Variants in UBASH3B observed in about 807,000 individuals in gnomAD.
The protein encoded by UBASH3B is ubiquitin associated and SH3 domain containing B, also known as ubiquitin-associated and SH3 domain-containing protein B.
Under a neutral mutation model 83.4 loss-of-function variants are expected in UBASH3B, and 37 were observed. That is an observed-to-expected ratio of 0.44 (90% CI 0.34 to 0.58). UBASH3B has a LOEUF of 0.58. UBASH3B is among the 20% of genes least tolerant of loss of function. The pLI is 0.01. For synonymous variants in UBASH3B, 304 were observed against 318.3 expected (o/e 0.96, Z 0.48); for missense variants, 657 against 827.2 (o/e 0.79, Z 2.52).
chr11:122,724,153 C>A (rs1463830973), intron 1 of UBASH3B, among the ~76,000 whole-genome samples: 4 of 152,166 alleles, frequency 2.6e-5, no homozygotes. Context: ...GAGTTAAGAG[C>A]CTAAGCTCTG....
chr11:122,664,671 G>C (rs1294309447), intron 1 of UBASH3B, among the ~76,000 whole-genome samples: 1 of 152,160 alleles, frequency 6.6e-6, no homozygotes, highest in Non-Finnish European at 1.5e-5. Context: ...CTGTTTTCCT[G>C]GTGACTTTGC....
intron 1 of UBASH3B, among the ~76,000 whole-genome samples, chr11:122,665,034 A>C (rs7106171): frequency 6.6e-6 from 1 of 152,014 alleles, no homozygotes; most frequent in Non-Finnish European, 1.5e-5. Context: ...TCAGCCTCCC[A>C]AGTAGCTGGG....
intron 1 of UBASH3B, among the ~76,000 whole-genome samples, chr11:122,661,602 C>T (rs1291435541): frequency 6.6e-6 from 1 of 152,194 alleles, no homozygotes; most frequent in East Asian, 1.9e-4. Flanking sequence ...TGTGACTGTG[C>T]ACCCACATAA....
rs1258445913 is a variant in UBASH3B, at chr11:122,758,212, C to T, written c.162-18007C>T. Among the ~76,000 whole-genome samples, 5 of 152,164 alleles carry T rather than the reference C, an allele frequency of 3.3e-5. No homozygotes were observed. The highest frequency in any genetic ancestry group is 7.3e-5 in the Non-Finnish European group (5 of 68,038). ...TATCGTAGTTGGGCCAGCAGACACA[C>T]GGCTGGCTAGAGAGTTTTGGACCCC... On this transcript the variant is annotated intron_variant, in intron 1 of 13. Coordinates refer to ENST00000284273, the MANE Select transcript of UBASH3B (RefSeq NM_032873.5). This position sits in a 1 kb window ranked among gnomAD's most constrained non-coding sequence, Gnocchi z 4.2.
At chr11:122,730,908 T>C (rs1860834025) in intron 1 of UBASH3B, among the ~76,000 whole-genome samples, 1 of 152,258 alleles carries the variant, frequency 6.6e-6, no homozygotes, top group Non-Finnish European at 1.5e-5. Flanking sequence ...ATTTGGATTC[T>C]TATTCACCTT....
intron 1 of UBASH3B, among the ~76,000 whole-genome samples, chr11:122,702,528 G>T (rs1237694833): frequency 3.5e-5 from 5 of 143,922 alleles, no homozygotes; most frequent in South Asian, 4.4e-4. Flanking sequence ...AAATCACCAG[G>T]TTTTTTTTTT....
At chr11:122,703,829 T>G (rs1397897432) in intron 1 of UBASH3B, among the ~76,000 whole-genome samples, 3 of 152,182 alleles carry the variant, frequency 2.0e-5, no homozygotes, top group Non-Finnish European at 4.4e-5. Context: ...GAAAGATGCA[T>G]TTCTCTAGGG....
intron 1 of UBASH3B, among the ~76,000 whole-genome samples, chr11:122,750,581 C>T (rs1861184252): frequency 2.0e-5 from 3 of 152,212 alleles, no homozygotes; most frequent in African/African-American, 7.2e-5. Context: ...CCAAAGGATC[C>T]TCATGAAATG....
Position 122,729,975 on chromosome 11 carries a change from TAAAAAAAAA to T in UBASH3B, c.162-46223_162-46215del, listed in dbSNP as rs34778631. Among the ~76,000 whole-genome samples, 17 of 27,958 alleles carry T rather than the reference TAAAAAAAAA, an allele frequency of 6.1e-4. No individual in the cohort carries two copies. In the South Asian group the frequency reaches 9.1e-3, roughly 15 times the overall value. 18.3% of individuals were successfully genotyped at this position (27,958 alleles called of 152,430 possible). A position where few individuals can be genotyped will look rare whatever the true frequency, so the allele number is the denominator to read the frequency against. On this transcript the variant is annotated intron_variant, in intron 1 of 13. Transcript: ENST00000284273. Reference sequence around the variant, plus strand: ...CTGGGTGACAGAGTGAGACCCTATCTAAAAAAAAAAAAAAAAAAAAAAAAAAAAAGGCCA... The same window carrying T: ...CTGGGTGACAGAGTGAGACCCTATCTAAAAAAAAAAAAAAAAAAAAGGCCA...
At chr11:122,675,006 G>A (rs1863649588) in intron 1 of UBASH3B, among the ~76,000 whole-genome samples, 1 of 152,138 alleles carries the variant, frequency 6.6e-6, no homozygotes, top group Admixed American at 6.6e-5. Context: ...TGGGATTACA[G>A]GCATAAGCCA....
In UBASH3B at chr11:122,796,821, G is replaced by T. The variant is rs116664094; in HGVS notation, c.1235-90G>T. On this transcript the variant is annotated intron_variant, in intron 8 of 13. Transcript: ENST00000284273. The stretch of plus-strand genomic sequence containing the variant: ...CAGTGTGATCTCTTTGGCCAAGAAG[G>T]AATGGGGGTGGAGAGTGTCAGGATC... The T allele has an allele frequency of 3.6e-3, 5,712 of 1,575,548 alleles. 155 individuals are homozygous for T. The African/African-American group carries it at 0.065, about 18-fold the overall frequency.
intron 13 of UBASH3B, among the ~76,000 whole-genome samples, chr11:122,808,835 A>G (rs1861386894): frequency 6.6e-6 from 1 of 152,140 alleles, no homozygotes; most frequent in Non-Finnish European, 1.5e-5. Flanking sequence ...CCTCATTTGT[A>G]AGTGCTGGAA....
chr11:122,727,213 G>C (rs1322901885), intron 1 of UBASH3B, among the ~76,000 whole-genome samples: 1 of 152,130 alleles, frequency 6.6e-6, no homozygotes, highest in East Asian at 1.9e-4. Flanking sequence ...AGTTTCTGTT[G>C]CAGAGTTCTT....
At chr11:122,742,202 G>A (rs1237144174) in intron 1 of UBASH3B, among the ~76,000 whole-genome samples, 1 of 152,228 alleles carries the variant, frequency 6.6e-6, no homozygotes, top group Non-Finnish European at 1.5e-5. Flanking sequence ...AAGCCTGGAA[G>A]GGTCGGGAGA....
chr11:122,793,865 T>C (rs1040133658), intron 6 of UBASH3B, among the ~76,000 whole-genome samples: 2 of 152,152 alleles, frequency 1.3e-5, no homozygotes, highest in Non-Finnish European at 2.9e-5. Flanking sequence ...AGATAGGGTT[T>C]GGAGACCGAA....
intron 1 of UBASH3B, among the ~76,000 whole-genome samples, chr11:122,679,746 G>A (rs2135907837): frequency 6.6e-6 from 1 of 152,320 alleles, no homozygotes; most frequent in African/African-American, 2.4e-5. Flanking sequence ...TCCAATGAAA[G>A]TTTATTTGTG....
rs530010290 is a variant in UBASH3B, at chr11:122,676,305, C to T, written c.161+20095C>T. Among the ~76,000 whole-genome samples, 22 of 152,056 alleles carry T rather than the reference C, an allele frequency of 1.4e-4. No individual in the cohort carries two copies. The East Asian group carries it at 1.9e-3, about 13-fold the overall frequency. On this transcript the variant is annotated intron_variant, in intron 1 of 13. Coordinates refer to ENST00000284273, the MANE Select transcript of UBASH3B (RefSeq NM_032873.5). ...CTGTAATCCCAGCACTTTGGGAGGCCGAGGCAGGTGGTTTACCTGACGTCA... is the reference window on the plus strand; with the variant it reads ...CTGTAATCCCAGCACTTTGGGAGGCTGAGGCAGGTGGTTTACCTGACGTCA...
In UBASH3B at chr11:122,789,316, G is replaced by A. The variant is rs376423963; in HGVS notation, c.980+8G>A. The A allele has an allele frequency of 1.5e-5, 24 of 1,613,934 alleles. No individual in the cohort carries two copies. The highest frequency in any genetic ancestry group is 1.9e-5 in the Non-Finnish European group (23 of 1,179,972). ...CACCTGGATATTTCATGGGTAAGCA[G>A]ACACAAAGACCTTTATGCCATTTGA... On this transcript the variant is annotated splice_region_variant and intron_variant, in intron 6 of 13. Transcript: ENST00000284273.
At chr11:122,674,130 T>G (rs1326241499) in intron 1 of UBASH3B, among the ~76,000 whole-genome samples, 1 of 151,898 alleles carries the variant, frequency 6.6e-6, no homozygotes, top group Non-Finnish European at 1.5e-5. Context: ...TATATCAAAA[T>G]AAAAAAAGAA....
Sources: allele counts gnomAD v4.1 joint callset (sites outside exome capture counted in the v4.1 genomes callset), GRCh38; gene constraint gnomAD v4.1.1; non-coding constraint Gnocchi (gnomAD v3.1); transcripts MANE v1.5; gene names NCBI Gene and HGNC (gene_info 2026-07-23, HGNC 2026-07-21).